Variants in MNAT1 observed in about 807,000 individuals in gnomAD.
MNAT1 encodes MNAT1 component of CDK activating kinase.
Under a neutral mutation model 42.0 loss-of-function variants are expected in MNAT1, and 43 were observed. The observed-to-expected ratio is 1.02, with a 90% CI of 0.80 to 1.32. MNAT1 has a LOEUF of 1.32. Among genes scored for constraint, MNAT1 ranks in the 40% most tolerant of loss-of-function variants. MNAT1 has a pLI of 0.00. For missense variants in MNAT1, 306 were observed against 350.4 expected (o/e 0.87, Z 1.01); for synonymous variants, 118 against 120.0 (o/e 0.98, Z 0.11).
At chr14:60,904,028 C>T (rs2035138060) in intron 7 of MNAT1, among the ~76,000 whole-genome samples, 1 of 152,132 alleles carries the variant, frequency 6.6e-6, no homozygotes. Context: ...CCCGCCACCA[C>T]ATCTGACTGA....
At chr14:60,913,020 T>C (rs1219200069) in intron 7 of MNAT1, among the ~76,000 whole-genome samples, 4 of 152,154 alleles carry the variant, frequency 2.6e-5, no homozygotes, top group South Asian at 2.1e-4. Context: ...AGGCTTTGTT[T>C]GTTTCTTTTT....
At chr14:60,786,912 C>T (rs2031669719) in intron 1 of MNAT1, among the ~76,000 whole-genome samples, 1 of 152,122 alleles carries the variant, frequency 6.6e-6, no homozygotes, top group African/African-American at 2.4e-5. Context: ...ATTTTTAACT[C>T]CTTTGAATCA....
Position 60,937,579 on chromosome 14 carries a change from A to G in MNAT1, c.810-30650A>G, listed in dbSNP as rs1041106227. On this transcript the variant is annotated intron_variant, in intron 7 of 7. Transcript: ENST00000261245. ...ATTTCTGAGGGCTCTGTTCTGTTCC[A>G]TTGGTCTATATGTCTGTTTTGGTAC... Among the ~76,000 whole-genome samples the G allele has an allele frequency of 7.9e-5, 12 of 152,034 alleles. No homozygotes were observed. The East Asian group carries it at 1.5e-3, about 20-fold the overall frequency.
intron 5 of MNAT1, among the ~76,000 whole-genome samples, chr14:60,817,929 A>G (rs1184131288): frequency 2.6e-5 from 4 of 151,692 alleles, no homozygotes; most frequent in African/African-American, 9.7e-5. Flanking sequence ...AAAGAGAGAG[A>G]GAGATCTCTT....
At chr14:60,785,788 A>G (rs75373338) in intron 1 of MNAT1, among the ~76,000 whole-genome samples, 168 of 152,280 alleles carry the variant, frequency 1.1e-3, no homozygotes, top group Non-Finnish European at 2.1e-3. Context: ...TGCATTTGAC[A>G]AGGCACCTGG....
intron 1 of MNAT1, among the ~76,000 whole-genome samples, chr14:60,765,344 G>A (rs1478735526): frequency 1.3e-5 from 2 of 152,120 alleles, no homozygotes; most frequent in Non-Finnish European, 2.9e-5. Flanking sequence ...GACACAGGGA[G>A]GGAAACATCA....
chr14:60,852,832 G>A (rs972103598), intron 6 of MNAT1, among the ~76,000 whole-genome samples: 9 of 152,088 alleles, frequency 5.9e-5, no homozygotes, highest in African/African-American at 2.2e-4. Flanking sequence ...TTTTTGTCAG[G>A]TTTGTCAAAG....
chr14:60,898,378 T>C (rs2035005897), intron 7 of MNAT1, among the ~76,000 whole-genome samples: 1 of 152,088 alleles, frequency 6.6e-6, no homozygotes, highest in Non-Finnish European at 1.5e-5. Flanking sequence ...CCAATTTGCA[T>C]TCCCACCAAT....
chr14:60,767,163 A>AAC (rs2030859446), intron 1 of MNAT1, among the ~76,000 whole-genome samples: 1 of 152,198 alleles, frequency 6.6e-6, no homozygotes, highest in Non-Finnish European at 1.5e-5. Context: ...TTTGGATTGG[A>AAC]AATGCAATAT....
chr14:60,796,076 A>G, intron 1 of MNAT1, 141 bp from the exon 2 acceptor site: 3 of 659,692 alleles, frequency 4.5e-6, no homozygotes, highest in Non-Finnish European at 6.9e-6. Context: ...AACATTTTCC[A>G]GAAAGTTTTT....
chr14:60,967,517 T>C (rs1037127460), intron 7 of MNAT1, among the ~76,000 whole-genome samples: 3 of 152,194 alleles, frequency 2.0e-5, no homozygotes, highest in African/African-American at 7.2e-5. Flanking sequence ...TTTAGGCCTG[T>C]TTTGTCTATT....
chr14:60,749,399 T>C (rs1338577972), intron 1 of MNAT1, among the ~76,000 whole-genome samples: 1 of 152,244 alleles, frequency 6.6e-6, no homozygotes, highest in Non-Finnish European at 1.5e-5. Flanking sequence ...TAATTTTTTC[T>C]CATTGCTTTT....
intron 1 of MNAT1, among the ~76,000 whole-genome samples, chr14:60,749,462 T>A (rs1353965787): frequency 2.0e-5 from 3 of 152,218 alleles, no homozygotes; most frequent in Non-Finnish European, 4.4e-5. Flanking sequence ...ACTGACAGTA[T>A]GATTGCCTGG....
intron 1 of MNAT1, among the ~76,000 whole-genome samples, chr14:60,753,311 T>C (rs2030182945): frequency 6.6e-6 from 1 of 152,148 alleles, no homozygotes; most frequent in South Asian, 2.1e-4. Context: ...GAAGTGTGTG[T>C]CCACTTATAT....
intron 6 of MNAT1, among the ~76,000 whole-genome samples, chr14:60,867,785 C>T (rs994368681): frequency 2.6e-5 from 4 of 152,026 alleles, no homozygotes; most frequent in African/African-American, 7.2e-5. Context: ...AAATGTTGCA[C>T]CTCAGTTCAT....
At chr14:60,941,451 G>C (rs2036157552) in intron 7 of MNAT1, among the ~76,000 whole-genome samples, 1 of 152,182 alleles carries the variant, frequency 6.6e-6, no homozygotes, top group Admixed American at 6.5e-5. Context: ...TGTAGTTTCA[G>C]CCTTTTGGGA....
rs183118870 is a variant in MNAT1, at chr14:60,738,478, A to G, written c.89+3527A>G. On this transcript the variant is annotated intron_variant, in intron 1 of 7. Transcript: ENST00000261245. ...ACTATGTTGGCCAGGCTGGTCTCGA[A>G]CTACTGACTTCGTGATCCAGCCGCC... Among the ~76,000 whole-genome samples, 258 of 152,142 alleles carry G rather than the reference A, an allele frequency of 1.7e-3. 1 individual carries two copies. Among genetic ancestry groups the G allele is most frequent in the African/African-American group, 5.5e-3 (228 of 41,514 alleles).
chr14:60,936,167 C>T (rs1321155363), intron 7 of MNAT1, among the ~76,000 whole-genome samples: 1 of 152,172 alleles, frequency 6.6e-6, no homozygotes, highest in Non-Finnish European at 1.5e-5. Context: ...TGCACGAAAG[C>T]ATCTGATGTA....
chr14:60,955,033 A>G (rs1352508971), intron 7 of MNAT1, among the ~76,000 whole-genome samples: 1 of 152,082 alleles, frequency 6.6e-6, no homozygotes, highest in Non-Finnish European at 1.5e-5. Context: ...AGATTTCCAT[A>G]TGTTGCATCC....
Sources: gnomAD v4.1 joint callset for allele counts (sites outside exome capture counted in the v4.1 genomes callset) on GRCh38, gnomAD v4.1.1 for gene constraint, MANE v1.5 for transcripts, NCBI Gene and HGNC (gene_info 2026-07-23, HGNC 2026-07-21) for gene names.